The following PTTG1 variants were observed in gnomAD, a reference collection of about 807,000 sequenced individuals.
PTTG1 encodes PTTG1 regulator of sister chromatid separation, securin.
In PTTG1, 8 loss-of-function variants were observed where a neutral mutation model predicts 20.0. The ratio of observed to expected loss-of-function variants is 0.40; its 90% CI spans 0.23 to 0.72. The LOEUF (loss-of-function observed/expected upper bound fraction) is 0.72, where lower values mean the gene tolerates loss of function less well. Among genes scored for constraint, PTTG1 ranks in the 30% least tolerant of loss-of-function variants. The pLI, the probability that PTTG1 is intolerant of heterozygous loss-of-function variation, is 0.38. For synonymous variants in PTTG1, 79 were observed against 87.2 expected (o/e 0.91, Z 0.52); for missense variants, 197 against 236.0 (o/e 0.83, Z 1.08).
chr5:160,428,060 G>A (rs1765842909), intron 5 of PTTG1, among the ~76,000 whole-genome samples, 187 bp downstream of exon 5: 1 of 152,142 alleles, frequency 6.6e-6, no homozygotes, highest in Non-Finnish European at 1.5e-5. Flanking sequence ...AAATGCCCCA[G>A]TAAAATTGTT....
At chr5:160,422,440 T>C in intron 2 of PTTG1, 37 bp downstream of exon 2, 1 of 1,560,818 alleles carries the variant, frequency 6.4e-7, no homozygotes, top group South Asian at 1.1e-5. Flanking sequence ...ACACTGGTAT[T>C]GTGGACGTGG....
chr5:160,423,321 A>C (rs1233167522), intron 3 of PTTG1, among the ~76,000 whole-genome samples: 2 of 152,250 alleles, frequency 1.3e-5, no homozygotes, highest in Admixed American at 6.5e-5. Flanking sequence ...CTTCCAGGGC[A>C]AGCAGCAGCT....
rs751536826 is a variant in PTTG1 at position 160,422,573 on chromosome 5, A to G, written c.92-136A>G. ...AGGAAGTTACTGAATCTCTGCTATT[A>G]GGCCTATCATAGCCATGCCACTACC... On this transcript the variant is annotated intron_variant, in intron 2 of 5. Coordinates refer to ENST00000352433, the MANE Select transcript of PTTG1 (RefSeq NM_004219.4). The G allele has an allele frequency of 3.7e-6, 4 of 1,074,602 alleles. No individual in the cohort carries two copies. In the South Asian group the frequency reaches 5.2e-5, roughly 14 times the overall value. The allele number at this position is 1,074,602 out of a possible 1,614,324, so 66.6% of individuals were successfully genotyped here.
chr5:160,427,923 A>C (rs752058598), intron 5 of PTTG1, 50 bp downstream of exon 5: 54 of 1,608,880 alleles, frequency 3.4e-5, no homozygotes, highest in Non-Finnish European at 4.5e-5. Flanking sequence ...TTTGTTTCAT[A>C]ACACTTCCAT....
At position 160,427,708 on chromosome 5, in the gene PTTG1, G is replaced by A. The variant is rs764494898; in HGVS notation, c.371-7G>A. On this transcript the variant is annotated splice_region_variant and splice_polypyrimidine_tract_variant and intron_variant, in intron 4 of 5. Coordinates refer to ENST00000352433, the MANE Select transcript of PTTG1 (RefSeq NM_004219.4). ...GCCCTGACAAAAACGCTTTCTCTCT[G>A]TAACAGACTTTGAGAGTTTTGACCT... The A allele has an allele frequency of 5.6e-6, 9 of 1,613,634 alleles. No individual in the cohort carries two copies. In the South Asian group the frequency reaches 9.9e-5, roughly 18 times the overall value.
In PTTG1 at chr5:160,428,618, T is replaced by C. The variant is rs753610094; in HGVS notation, c.546T>C (p.Pro182=). 6.2e-7 allele frequency: 1 copy of C among 1,614,082 alleles called. No homozygotes were observed. The highest frequency in any genetic ancestry group is 8.5e-7 in the Non-Finnish European group (1 of 1,179,916). Residue 182 remains proline (P), a synonymous_variant, in exon 6 of 6, where the codon CCT becomes CCC. Transcript: ENST00000352433. ...GTTTTCTAGATCTGTTGCAGTCTCC[T>C]TCAAGCATTCTGTCGACCCTGGATG... ...PPWESNLLQS[P]SSILSTLDVE... is the part of the protein sequence containing the mutation.
chr5:160,427,766 T>C lies in PTTG1; in HGVS notation c.422T>C (p.Leu141Ser). 6.2e-7 allele frequency: 1 copy of C among 1,614,166 alleles called. No individual in the cohort carries two copies. The highest frequency in any genetic ancestry group is 8.5e-7 in the Non-Finnish European group (1 of 1,180,036). ...GAGCACCAGATTGCGCACCTCCCCT[T>C]GAGTGGAGTGCCTCTCATGATCCTT... ...PEEHQIAHLPLSGVPLMILDE... is the reference protein window; with the variant it reads ...PEEHQIAHLPSSGVPLMILDE... The change falls in exon 5 of 6, where the codon TTG (leucine) becomes TCG (serine). Residue 141 changes from leucine to serine, a missense_variant. By Grantham distance (145) the Leu-to-Ser change is moderately radical. Transcript: ENST00000352433.
In PTTG1 at chr5:160,424,334, G is replaced by A. The variant is rs1262592408; in HGVS notation, c.370+4G>A. 1 of 1,580,550 alleles carries A rather than the reference G, an allele frequency of 6.3e-7. No homozygotes were observed. The highest frequency in any genetic ancestry group is 1.4e-5 in the African/African-American group (1 of 73,882). ...TTCTTTCCCTTCAATCCTCTAGGTA[G>A]TATCTTTTGCAATTGCGAAAAGTGC... is the stretch of plus-strand genomic sequence containing the variant. On this transcript the variant is annotated splice_donor_region_variant and intron_variant, in intron 4 of 5. Transcript: ENST00000352433.
intron 4 of PTTG1, 101 bp downstream of exon 4, chr5:160,424,431 A>T: frequency 1.2e-6 from 1 of 807,736 alleles, no homozygotes; most frequent in Non-Finnish European, 2.0e-6. Context: ...ACCAAAAACT[A>T]TGATGAGACT....
At chr5:160,424,965 GA>G (rs1489225636) in intron 4 of PTTG1, among the ~76,000 whole-genome samples, 1 of 152,108 alleles carries the variant, frequency 6.6e-6, no homozygotes, top group African/African-American at 2.4e-5. Flanking sequence ...GAGTGAGCCA[GA>G]AAAAACAGCA....
Position 160,424,282 on chromosome 5 carries a change from G to C in PTTG1, c.322G>C (p.Asp108His). 1 of 1,612,936 alleles carries C rather than the reference G, an allele frequency of 6.2e-7. No homozygotes were observed. Among genetic ancestry groups the C allele is most frequent in the Non-Finnish European group, 8.5e-7 (1 of 1,179,096 alleles). Residue 108 changes from aspartate to histidine, a missense_variant, in exon 4 of 6, where the codon GAT becomes CAT. Physicochemically the swap from Asp to His is moderately conservative, Grantham distance 81 (BLOSUM62 -1). Transcript: ENST00000352433. ...VKAKSSVPAS[D>H]DAYPEIEKFF... Reference sequence around the variant, plus strand: ...AGCAAAAAGCTCTGTTCCTGCCTCAGATGATGCCTATCCAGAAATAGAAAA... The same window carrying C: ...AGCAAAAAGCTCTGTTCCTGCCTCACATGATGCCTATCCAGAAATAGAAAA...
chr5:160,428,593 G>A lies in PTTG1; in HGVS notation c.530-9G>A, dbSNP rs1765853641. The A allele has an allele frequency of 6.2e-7, 1 of 1,612,472 alleles. No homozygotes were observed. The highest frequency in any genetic ancestry group is 1.1e-5 in the South Asian group (1 of 90,954). On this transcript the variant is annotated splice_polypyrimidine_tract_variant and intron_variant, in intron 5 of 5. Transcript: ENST00000352433. ...GCAGAAATTTTAATAAGAGATTCCTGTTTTCTAGATCTGTTGCAGTCTCCT... is the reference window on the plus strand; with the variant it reads ...GCAGAAATTTTAATAAGAGATTCCTATTTTCTAGATCTGTTGCAGTCTCCT...
Position 160,422,362 on chromosome 5 carries a change from G to T in PTTG1, c.50G>T (p.Arg17Leu). ...VDKENGEPGT[R>L]VVAKDGLKLG... is the part of the protein sequence containing the mutation. ...AAGGAAAATGGAGAACCAGGCACCC[G>T]TGTGGTTGCTAAGGATGGGCTGAAG... The change falls in exon 2 of 6, where the codon CGT becomes CTT. Residue 17 changes from arginine to leucine, a missense_variant. Physicochemically the swap from Arg to Leu is moderately radical, Grantham distance 102. Coordinates refer to ENST00000352433, the MANE Select transcript of PTTG1 (RefSeq NM_004219.4). 1 of 1,614,106 alleles carries T rather than the reference G, an allele frequency of 6.2e-7. No homozygotes were observed. The highest frequency in any genetic ancestry group is 8.5e-7 in the Non-Finnish European group (1 of 1,180,000).
At chr5:160,427,552 GGT>G (rs1301226754) in intron 4 of PTTG1, among the ~76,000 whole-genome samples, 161 bp from the exon 5 acceptor site, 3 of 152,134 alleles carry the variant, frequency 2.0e-5, no homozygotes, top group African/African-American at 7.2e-5. Context: ...CCGCTGCCTT[GGT>G]ACCATCATTA....
At chr5:160,428,520 G>T (rs1765851039) in intron 5 of PTTG1, 82 bp from the exon 6 acceptor site, 1 of 1,225,648 alleles carries the variant, frequency 8.2e-7, no homozygotes, top group South Asian at 1.3e-5. Flanking sequence ...ATGAATTTTT[G>T]ATTGACAGCT....
At position 160,427,755 on chromosome 5, in the gene PTTG1, G is replaced by T; in HGVS notation, c.411G>T (p.Ala137=). ...ACCTGCCTGAAGAGCACCAGATTGCGCACCTCCCCTTGAGTGGAGTGCCTC... is the reference window on the plus strand; with the variant it reads ...ACCTGCCTGAAGAGCACCAGATTGCTCACCTCCCCTTGAGTGGAGTGCCTC... ...SFDLPEEHQI[A]HLPLSGVPLM... The change falls in exon 5 of 6, where the codon GCG becomes GCT. Residue 137 remains alanine (A), a synonymous_variant. Transcript: ENST00000352433. The T allele has an allele frequency of 6.2e-7, 1 of 1,614,118 alleles. No homozygotes were observed. The highest frequency in any genetic ancestry group is 8.5e-7 in the Non-Finnish European group (1 of 1,180,020).
intron 3 of PTTG1, chr5:160,423,147 G>A (rs1027359205): frequency 1.7e-5 from 8 of 479,496 alleles, no homozygotes; most frequent in South Asian, 6.5e-5. Context: ...CACTAGTGTC[G>A]TGAAACTGGT....
intron 3 of PTTG1, among the ~76,000 whole-genome samples, chr5:160,423,217 G>A (rs1427134142): frequency 2.6e-5 from 4 of 152,186 alleles, no homozygotes; most frequent in African/African-American, 9.7e-5. Flanking sequence ...GAAACTGGTT[G>A]GTGGTATCCA....
Position 160,428,598 on chromosome 5 carries a change from C to T in PTTG1, c.530-4C>T. On this transcript the variant is annotated splice_region_variant and splice_polypyrimidine_tract_variant and intron_variant, in intron 5 of 5. Transcript: ENST00000352433. ...AATTTTAATAAGAGATTCCTGTTTTCTAGATCTGTTGCAGTCTCCTTCAAG... is the reference window on the plus strand; with the variant it reads ...AATTTTAATAAGAGATTCCTGTTTTTTAGATCTGTTGCAGTCTCCTTCAAG... The T allele has an allele frequency of 6.2e-7, 1 of 1,613,194 alleles. No homozygotes were observed. The highest frequency in any genetic ancestry group is 1.1e-5 in the South Asian group (1 of 91,014).
Sources: allele counts gnomAD v4.1 joint callset (sites outside exome capture counted in the v4.1 genomes callset), GRCh38; gene constraint gnomAD v4.1.1; transcripts MANE v1.5; gene names NCBI Gene and HGNC (gene_info 2026-07-23, HGNC 2026-07-21).